Variants in TSPAN7 observed in about 807,000 individuals in gnomAD.
TSPAN7 encodes the protein tetraspanin 7.
A neutral mutation model predicts 17.6 loss-of-function variants in TSPAN7; 1 was observed. The ratio of observed to expected loss-of-function variants is 0.06; its 90% CI spans 0.02 to 0.27. The LOEUF is 0.27. TSPAN7 is among the 10% of genes least tolerant of loss of function. TSPAN7 has a pLI of 1.00. For synonymous variants in TSPAN7, 78 were observed against 79.0 expected (o/e 0.99, Z 0.07); for missense variants, 112 against 201.7 (o/e 0.56, Z 2.69).
intron 1 of TSPAN7, among the ~76,000 whole-genome samples, chrX:38,573,020 G>T (rs1602083550): frequency 9.0e-6 from 1 of 111,311 alleles, no homozygotes; most frequent in African/African-American, 3.3e-5. Context: ...TTAGAATTGA[G>T]GATATCTATG....
At chrX:38,642,425 C>G (rs1304765360) in intron 1 of TSPAN7, among the ~76,000 whole-genome samples, 1 of 112,120 alleles carries the variant, frequency 8.9e-6, no homozygotes, top group African/African-American at 3.2e-5. Context: ...GAGGTTGTCT[C>G]TACTCTCCAA....
chrX:38,661,514 T>C (rs2069744871), intron 1 of TSPAN7, among the ~76,000 whole-genome samples: 1 of 112,053 alleles, frequency 8.9e-6, no homozygotes, highest in African/African-American at 3.2e-5. Flanking sequence ...AGGGAGAGCC[T>C]CAGCCTGGTT....
At chrX:38,663,554 TAA>T (rs1429172634) in intron 1 of TSPAN7, among the ~76,000 whole-genome samples, 1 of 112,241 alleles carries the variant, frequency 8.9e-6, no homozygotes, top group East Asian at 2.8e-4. Context: ...CTATTGAAAT[TAA>T]AAAGTCTTTT....
intron 1 of TSPAN7, among the ~76,000 whole-genome samples, chrX:38,610,300 C>A (rs2069411418): frequency 8.9e-6 from 1 of 111,927 alleles, no homozygotes; most frequent in African/African-American, 3.2e-5. Context: ...AGTGGCAAAG[C>A]CAGCAGTCAA....
At chrX:38,664,289 G>C (rs747264098) in intron 1 of TSPAN7, among the ~76,000 whole-genome samples, 2 of 111,809 alleles carry the variant, frequency 1.8e-5, no homozygotes, top group East Asian at 5.6e-4. Flanking sequence ...CTCTGTGCCT[G>C]GCACTGTGCT....
At position 38,658,024 on chromosome X, in the gene TSPAN7, T is replaced by A. The variant is rs1165006245; in HGVS notation, c.82-8097T>A. Among the ~76,000 whole-genome samples, 4 of 110,330 alleles carry A rather than the reference T, an allele frequency of 3.6e-5. No homozygotes were observed. The East Asian group carries it at 1.1e-3, about 31-fold the overall frequency. On this transcript the variant is annotated intron_variant, in intron 1 of 7. Transcript: ENST00000378482. ...AATCACTCTAGCTTCATGACCTAGC[T>A]CCTGAAACTTGAAGTCTATGAATTG...
At chrX:38,671,530 G>C (rs778819198) in intron 3 of TSPAN7, 80 bp downstream of exon 3, 43 of 918,204 alleles carry the variant, frequency 4.7e-5, no homozygotes, top group Non-Finnish European at 6.2e-5. Context: ...ATGTGTAAAG[G>C]GTGCATATAG....
intron 6 of TSPAN7, among the ~76,000 whole-genome samples, chrX:38,685,414 G>A (rs2069921733): frequency 8.9e-6 from 1 of 111,939 alleles, no homozygotes; most frequent in South Asian, 3.8e-4. Flanking sequence ...GAGCCCAGGA[G>A]TTCAAGACCA....
chrX:38,683,852 T>C (rs775707749), intron 6 of TSPAN7, among the ~76,000 whole-genome samples: 1 of 113,262 alleles, frequency 8.8e-6, no homozygotes, highest in Non-Finnish European at 1.9e-5. Flanking sequence ...GCTACATGTG[T>C]TCAGAAATTT....
chrX:38,647,861 G>A (rs1349971060), intron 1 of TSPAN7, among the ~76,000 whole-genome samples: 1 of 111,991 alleles, frequency 8.9e-6, no homozygotes, highest in Non-Finnish European at 1.9e-5. Flanking sequence ...TTGTTCAGGG[G>A]AGCTTACAGT....
chrX:38,646,145 A>G, intron 1 of TSPAN7: 1 of 635,134 alleles, frequency 1.6e-6, no homozygotes, highest in South Asian at 6.0e-5. Flanking sequence ...TGTACTTTCT[A>G]TAAAAAAAAA....
At chrX:38,631,117 T>A (rs1359783322) in intron 1 of TSPAN7, among the ~76,000 whole-genome samples, 3 of 111,768 alleles carry the variant, frequency 2.7e-5, no homozygotes, top group Non-Finnish European at 5.6e-5. Context: ...AAGTAAATAT[T>A]TACCATCTGA....
intron 1 of TSPAN7, among the ~76,000 whole-genome samples, chrX:38,565,597 GTTGTT>G (rs1468936513): frequency 8.9e-6 from 1 of 112,314 alleles, no homozygotes; most frequent in Admixed American, 9.4e-5. Flanking sequence ...GTGTTCGTGA[GTTGTT>G]TTAATAGGAA....
At chrX:38,573,580 T>C (rs1227154423) in intron 1 of TSPAN7, among the ~76,000 whole-genome samples, 4 of 112,005 alleles carry the variant, frequency 3.6e-5, no homozygotes, top group Non-Finnish European at 7.5e-5. Context: ...TCAGTATTGA[T>C]AAATTTTTAT....
At chrX:38,597,111 A>T (rs2069322318) in intron 1 of TSPAN7, among the ~76,000 whole-genome samples, 1 of 111,027 alleles carries the variant, frequency 9.0e-6, no homozygotes, top group Admixed American at 9.6e-5. Flanking sequence ...TAATTTGTGG[A>T]TTCTATATTT....
chrX:38,597,311 C>G (rs1277581134), intron 1 of TSPAN7, among the ~76,000 whole-genome samples: 1 of 110,784 alleles, frequency 9.0e-6, no homozygotes, highest in Non-Finnish European at 1.9e-5. Flanking sequence ...ATACTATAAA[C>G]AAGTATTTTT....
At position 38,577,532 on chromosome X, in the gene TSPAN7, G is replaced by A. The variant is rs775476662; in HGVS notation, c.81+15905G>A. Among the ~76,000 whole-genome samples the A allele has an allele frequency of 9.2e-5, 10 of 108,198 alleles. 1 individual carries two copies. In the South Asian group the frequency reaches 4.2e-3, roughly 45 times the overall value. The allele number at this position is 108,198 out of a possible 115,157, so 94.0% of individuals were successfully genotyped here. On this transcript the variant is annotated intron_variant, in intron 1 of 7. Coordinates refer to ENST00000378482, the MANE Select transcript of TSPAN7 (RefSeq NM_004615.4). ...CTTTGTAGGGACATGGATGAAGCTGGAAACCATCATTCTCAGCAAACTATC... is the reference window on the plus strand; with the variant it reads ...CTTTGTAGGGACATGGATGAAGCTGAAAACCATCATTCTCAGCAAACTATC...
chrX:38,576,088 T>C (rs1182470015), intron 1 of TSPAN7, among the ~76,000 whole-genome samples: 2 of 112,138 alleles, frequency 1.8e-5, no homozygotes, highest in Non-Finnish European at 3.8e-5. Context: ...GCCATTGTAG[T>C]GTGAAAGCAG....
Position 38,571,266 on chromosome X carries a change from T to C in TSPAN7, c.81+9639T>C, listed in dbSNP as rs769091102. 1.3e-4 allele frequency among the ~76,000 whole-genome samples: 14 copies of C among 111,150 alleles called. No individual in the cohort carries two copies. The South Asian group carries it at 5.4e-3, about 43-fold the overall frequency. ...GACATAGGTACTAGATCAGTGATTCTCACCCTGTTTGCCCATAGAATTGCC... is the reference window on the plus strand; with the variant it reads ...GACATAGGTACTAGATCAGTGATTCCCACCCTGTTTGCCCATAGAATTGCC... On this transcript the variant is annotated intron_variant, in intron 1 of 7. Coordinates refer to ENST00000378482, the MANE Select transcript of TSPAN7 (RefSeq NM_004615.4).
Sources: allele counts gnomAD v4.1 joint callset (sites outside exome capture counted in the v4.1 genomes callset), GRCh38; gene constraint gnomAD v4.1.1; transcripts MANE v1.5; gene names NCBI Gene and HGNC (gene_info 2026-07-23, HGNC 2026-07-21).